SOX30: variants seen among roughly 807,000 people sequenced by gnomAD.
SOX30 encodes the protein transcription factor SOX-30.
Under a neutral mutation model 58.6 loss-of-function variants are expected in SOX30, and 17 were observed. The observed-to-expected ratio is 0.29, with a 90% CI of 0.20 to 0.44. SOX30 has a LOEUF of 0.44. Ranked by LOEUF, SOX30 falls within the 20% of genes least tolerant of loss-of-function variation. The pLI is 1.00. For missense variants in SOX30, 951 were observed against 965.8 expected (o/e 0.98, Z 0.20); for synonymous variants, 421 against 400.2 (o/e 1.05, Z -0.62).
intron 4 of SOX30, among the ~76,000 whole-genome samples, 184 bp downstream of exon 4, chr5:157,638,042 TCTCC>T (rs1026121583): frequency 2.6e-5 from 4 of 152,062 alleles, no homozygotes; most frequent in Admixed American, 6.6e-5. Context: ...AGAGCTGCAC[TCTCC>T]CTAGCTACCC....
In SOX30 at chr5:157,630,863, T is replaced by TTA. The variant is rs34376183; in HGVS notation, c.1881-4144_1881-4143dup. On this transcript the variant is annotated intron_variant, in intron 4 of 4. Coordinates refer to ENST00000265007, the MANE Select transcript of SOX30 (RefSeq NM_178424.2). ...TACATTATATATATATTATATATTT[T>TTA]TATATATATATATACAATATATATA... Among the ~76,000 whole-genome samples the TTA allele has an allele frequency of 8.7e-3, 1,177 of 134,892 alleles. 6 individuals carry two copies. Among genetic ancestry groups the TTA allele is most frequent in the South Asian group, 0.028 (127 of 4,586 alleles). 88.5% of individuals were successfully genotyped at this position (134,892 alleles called of 152,430 possible). A position where few individuals can be genotyped will look rare whatever the true frequency, so the allele number is the denominator to read the frequency against.
At chr5:157,659,287 C>T (rs1759534481) in intron 2 of SOX30, among the ~76,000 whole-genome samples, 1 of 152,180 alleles carries the variant, frequency 6.6e-6, no homozygotes. Context: ...TTTCCTGTAA[C>T]ATCTTTCTGG....
intron 2 of SOX30, chr5:157,667,707 C>A: frequency 6.7e-7 from 1 of 1,490,700 alleles, no homozygotes; most frequent in South Asian, 1.3e-5. Context: ...CCACTGCCCT[C>A]CAGCCTGGGC....
In SOX30 at chr5:157,626,331, G is replaced by A; in HGVS notation, c.*9C>T. 5.7e-6 allele frequency: 9 copies of A among 1,577,708 alleles called. No homozygotes were observed. Among genetic ancestry groups the A allele is most frequent in the Admixed American group, 1.9e-5 (1 of 53,728 alleles). ...AAATGTTTATTTTCTGTGCATATTT[G>A]TTTTAAAATTATAAATCCCTGAGCA... On this transcript the variant is annotated 3_prime_UTR_variant, in exon 5 of 5. Transcript: ENST00000265007.
At chr5:157,636,038 T>TA (rs1758918366) in intron 4 of SOX30, among the ~76,000 whole-genome samples, 1 of 152,204 alleles carries the variant, frequency 6.6e-6, no homozygotes, top group Non-Finnish European at 1.5e-5. Context: ...ACTGAAAAAG[T>TA]AGGGGAATAT....
At chr5:157,666,478 GACACACACACACACACACACACAC>G (rs375835461) in intron 2 of SOX30, among the ~76,000 whole-genome samples, 20 of 132,528 alleles carry the variant, frequency 1.5e-4, no homozygotes, top group African/African-American at 3.3e-4. Flanking sequence ...TAGTCCAGTA[GACACACACACACACACACACACAC>G]ACACACACAC....
intron 2 of SOX30, among the ~76,000 whole-genome samples, chr5:157,664,126 G>A (rs368658084): frequency 2.9e-4 from 43 of 150,600 alleles, no homozygotes; most frequent in African/African-American, 5.7e-4. Flanking sequence ...AAAAGAGCCC[G>A]CATTGCCAAG....
At position 157,645,518 on chromosome 5, in the gene SOX30, C is replaced by T. The variant is rs1895341; in HGVS notation, c.1387+1119G>A. 3.8e-3 allele frequency among the ~76,000 whole-genome samples: 569 copies of T among 151,496 alleles called. 1 individual carries two copies. The Middle Eastern group carries it at 0.038, about 10-fold the overall frequency. ...TCTCTAAAAAAATACAAAAATTAGC[C>T]AGGCATGGTGGTGTGCACCTATAGT... On this transcript the variant is annotated intron_variant, in intron 3 of 4. Transcript: ENST00000265007.
Position 157,651,274 on chromosome 5 carries a change from G to A in SOX30, c.805C>T (p.Pro269Ser), listed in dbSNP as rs377151485. The change falls in exon 1 of 5, where the codon CCT becomes TCT. Residue 269 changes from proline (P) to serine (S), a missense_variant. Physicochemically the swap from Pro to Ser is moderately conservative, Grantham distance 74. Around this residue, in one of 7 missense-constraint regions of SOX30, gnomAD observed 84 missense variants for 68.2 expected, o/e 1.23. Transcript: ENST00000265007. ...CCCTGAAACTGGATCCGGGCCCCAG[G>A]GGGGACCGTGTGGAGCGTCAAAGGG... ...RIPLTLHTVP[P>S]GARIQFQGAP... The A allele has an allele frequency of 6.2e-6, 10 of 1,614,044 alleles. No homozygotes were observed. Among genetic ancestry groups the A allele is most frequent in the African/African-American group, 1.3e-5 (1 of 74,944 alleles).
chr5:157,641,378 C>T (rs761329007), intron 3 of SOX30, among the ~76,000 whole-genome samples: 21 of 152,140 alleles, frequency 1.4e-4, no homozygotes, highest in South Asian at 6.2e-4. Context: ...TTTGGGAGGC[C>T]GAGGCAGGTA....
upstream of SOX30, among the ~76,000 whole-genome samples, chr5:157,653,173 T>G (rs376926413): frequency 2.6e-5 from 4 of 152,228 alleles, no homozygotes; most frequent in African/African-American, 9.6e-5. Flanking sequence ...CCTTTGTGTC[T>G]CCTTAATTCC....
In SOX30 at chr5:157,648,563, T is replaced by C. The variant is rs999669871; in HGVS notation, c.1207+94A>G. 6 of 1,180,690 alleles carry C rather than the reference T, an allele frequency of 5.1e-6. No homozygotes were observed. In the African/African-American group the frequency reaches 9.2e-5, roughly 18 times the overall value. 73.1% of individuals were successfully genotyped at this position (1,180,690 alleles called of 1,614,324 possible). Reference sequence around the variant, plus strand: ...CTTTATTGTACATATCAGAAAAAAATTATATATTTTTGTCTTTCAATCTCA... The same window carrying C: ...CTTTATTGTACATATCAGAAAAAAACTATATATTTTTGTCTTTCAATCTCA... On this transcript the variant is annotated intron_variant, in intron 2 of 4. Transcript: ENST00000265007.
At chr5:157,630,727 G>A (rs1462568465) in intron 4 of SOX30, among the ~76,000 whole-genome samples, 1 of 150,756 alleles carries the variant, frequency 6.6e-6, no homozygotes. Flanking sequence ...TGCTTATACA[G>A]AGCCTACAGA....
chr5:157,630,108 T>C (rs1162826596), intron 4 of SOX30, among the ~76,000 whole-genome samples: 2 of 152,232 alleles, frequency 1.3e-5, no homozygotes, highest in Non-Finnish European at 2.9e-5. Flanking sequence ...AAGAAGTTAC[T>C]GCAATTTTTA....
At chr5:157,655,373 G>A (rs1181021674), upstream of SOX30, among the ~76,000 whole-genome samples, 5 of 152,212 alleles carry the variant, frequency 3.3e-5, no homozygotes, top group Admixed American at 6.5e-5. Flanking sequence ...TGGGTTAGAA[G>A]CCCAACTTAG....
chr5:157,629,385 T>A (rs1758735171), intron 4 of SOX30, among the ~76,000 whole-genome samples: 1 of 152,226 alleles, frequency 6.6e-6, no homozygotes, highest in African/African-American at 2.4e-5. Context: ...GGCAAGACGC[T>A]ATGTAAGGCT....
At position 157,626,305 on chromosome 5, in the gene SOX30, G is replaced by A; in HGVS notation, c.*35C>T. On this transcript the variant is annotated 3_prime_UTR_variant, in exon 5 of 5. Transcript: ENST00000265007. Reference sequence around the variant, plus strand: ...CCAACTGACCCAGAATATATTTTAAGAAATGTTTATTTTCTGTGCATATTT... The same window carrying A: ...CCAACTGACCCAGAATATATTTTAAAAAATGTTTATTTTCTGTGCATATTT... The A allele has an allele frequency of 6.7e-7, 1 of 1,496,604 alleles. No individual in the cohort carries two copies. Among genetic ancestry groups the A allele is most frequent in the Non-Finnish European group, 9.0e-7 (1 of 1,113,030 alleles). The allele number at this position is 1,496,604 out of a possible 1,614,324, so 92.7% of individuals were successfully genotyped here.
chr5:157,650,690 CTGTT>C (rs1161405208), intron 1 of SOX30, among the ~76,000 whole-genome samples: 1 of 152,066 alleles, frequency 6.6e-6, no homozygotes, highest in Non-Finnish European at 1.5e-5. Context: ...ATAAACTTTC[CTGTT>C]TAATTATAAT....
intron 3 of SOX30, among the ~76,000 whole-genome samples, chr5:157,640,446 G>A (rs1759035038): frequency 6.6e-6 from 1 of 152,120 alleles, no homozygotes; most frequent in African/African-American, 2.4e-5. Flanking sequence ...GCGAGACAGG[G>A]TAGTGGGGTG....
Sources: gnomAD v4.1 joint callset for allele counts (sites outside exome capture counted in the v4.1 genomes callset) on GRCh38, gnomAD v4.1.1 for gene constraint, gnomAD v4.1.1 regional missense constraint, MANE v1.5 for transcripts, NCBI Gene and HGNC (gene_info 2026-07-23, HGNC 2026-07-21) for gene names.